Variants in GRIK4 observed in about 807,000 individuals in gnomAD.
GRIK4 encodes glutamate ionotropic receptor kainate type subunit 4, also known as glutamate receptor ionotropic, kainate 4.
GRIK4 carries 40 observed loss-of-function variants against 104.9 expected under a neutral mutation model. That is an observed-to-expected ratio of 0.38 (90% CI 0.30 to 0.50). The LOEUF (loss-of-function observed/expected upper bound fraction) is 0.50. Among genes scored for constraint, GRIK4 ranks in the 20% least tolerant of loss-of-function variants. The probability of loss-of-function intolerance (pLI) is 0.93; values close to 1 mark genes in which losing one functional copy is unlikely to be tolerated. For synonymous variants in GRIK4, 485 were observed against 524.9 expected (o/e 0.92, Z 1.04); for missense variants, 1,047 against 1,308.1 (o/e 0.80, Z 3.08).
At chr11:120,911,309 A>G (rs1426182668) in intron 13 of GRIK4, among the ~76,000 whole-genome samples, 1 of 145,026 alleles carries the variant, frequency 6.9e-6, no homozygotes, top group East Asian at 2.1e-4. Context: ...CGCGATCTCG[A>G]CTCACTGCAA....
At chr11:120,925,882 G>A (rs1350254003) in intron 13 of GRIK4, among the ~76,000 whole-genome samples, 3 of 152,044 alleles carry the variant, frequency 2.0e-5, no homozygotes, top group East Asian at 3.9e-4. Context: ...GCTGAGGCAG[G>A]GGATTTGCTT....
chr11:120,922,724 T>A (rs1943251051), intron 13 of GRIK4, among the ~76,000 whole-genome samples: 1 of 152,190 alleles, frequency 6.6e-6, no homozygotes, highest in Non-Finnish European at 1.5e-5. Flanking sequence ...AGGCCTGGCT[T>A]AGTTGTGCCG....
chr11:120,860,904 G>A (rs1447723696), intron 8 of GRIK4, among the ~76,000 whole-genome samples: 1 of 151,982 alleles, frequency 6.6e-6, no homozygotes, highest in African/African-American at 2.4e-5. Flanking sequence ...TGACTCTTAT[G>A]GTCTGGTCTC....
In GRIK4 at chr11:120,985,902, A is replaced by T; in HGVS notation, c.2515-2A>T. ...GGGCCCTGACCTCGCTGTCTCCTCC[A>T]GGTGTCCGTCTGCCAGGAGATGGTG... is the stretch of plus-strand genomic sequence containing the variant. On this transcript the variant is annotated splice_acceptor_variant, in intron 20 of 20. Coordinates refer to ENST00000527524, the MANE Select transcript of GRIK4 (RefSeq NM_014619.5). LOFTEE classifies it high-confidence loss of function. The T allele has an allele frequency of 6.4e-7, 1 of 1,551,814 alleles. No individual in the cohort carries two copies. The highest frequency in any genetic ancestry group is 8.7e-7 in the Non-Finnish European group (1 of 1,147,730).
chr11:120,700,264 C>CTTT (rs34617192), intron 3 of GRIK4, among the ~76,000 whole-genome samples: 16 of 118,234 alleles, frequency 1.4e-4, no homozygotes, highest in South Asian at 2.5e-4. Flanking sequence ...TATATTACTA[C>CTTT]TTTTTTTTTT....
At position 120,819,717 on chromosome 11, in the gene GRIK4, G is replaced by T; in HGVS notation, c.346-38G>T. On this transcript the variant is annotated intron_variant, in intron 5 of 20. Coordinates refer to ENST00000527524, the MANE Select transcript of GRIK4 (RefSeq NM_014619.5). The surrounding 1 kb of genome is among the most constrained non-coding windows in gnomAD (Gnocchi z 4.3). ...CCTCTTTCTTCCTTTTCACCCACCT[G>T]GATCCTCCCTGCTGTCCGTTTTTGC... 1.2e-6 allele frequency: 2 copies of T among 1,605,620 alleles called. No individual in the cohort carries two copies. The highest frequency in any genetic ancestry group is 8.5e-7 in the Non-Finnish European group (1 of 1,172,528).
At chr11:120,665,746 G>C (rs189696848) in intron 3 of GRIK4, among the ~76,000 whole-genome samples, 3 of 152,256 alleles carry the variant, frequency 2.0e-5, no homozygotes, top group African/African-American at 7.2e-5. Context: ...AAGTCTGCGC[G>C]TGTGTCTGCA....
chr11:120,960,997 T>G lies in GRIK4; in HGVS notation c.1963T>G (p.Ser655Ala). 1 of 1,613,970 alleles carries G rather than the reference T, an allele frequency of 6.2e-7. No individual in the cohort carries two copies. The highest frequency in any genetic ancestry group is 8.5e-7 in the Non-Finnish European group (1 of 1,179,908). The change falls in exon 17 of 21, where the codon TCA becomes GCA. Residue 655 changes from serine (S) to alanine (A), a missense_variant. Around this residue, in one of 3 missense-constraint regions of GRIK4, gnomAD observed 440 missense variants for 652.3 expected, o/e 0.67. Transcript: ENST00000527524. ...GCAGCGCATGGATGTGCCCATTGAG[T>G]CAGTGGATGACCTGGCTGACCAGAC... ...TVQRMDVPIE[S>A]VDDLADQTAI...
At chr11:120,823,289 G>A (rs1432002602) in intron 6 of GRIK4, among the ~76,000 whole-genome samples, 2 of 152,222 alleles carry the variant, frequency 1.3e-5, no homozygotes, top group Non-Finnish European at 2.9e-5. Context: ...TGGGAAACAG[G>A]TTGCTCAGAT....
chr11:120,824,649 A>G (rs1168236488), intron 6 of GRIK4, among the ~76,000 whole-genome samples: 4 of 143,476 alleles, frequency 2.8e-5, no homozygotes, highest in African/African-American at 1.0e-4. Flanking sequence ...TCTCGGGTTC[A>G]AGTGATTCTT....
intron 3 of GRIK4, among the ~76,000 whole-genome samples, chr11:120,747,565 C>T (rs1212026032): frequency 6.6e-6 from 1 of 152,144 alleles, no homozygotes; most frequent in South Asian, 2.1e-4. Context: ...AGACAGATAG[C>T]TAGGACTTTA....
In GRIK4 at chr11:120,654,395, G is replaced by A. The variant is rs184199805; in HGVS notation, c.-51+603G>A. Among the ~76,000 whole-genome samples the A allele has an allele frequency of 3.4e-3, 523 of 152,096 alleles. 4 individuals are homozygous for A. The highest frequency in any genetic ancestry group is 5.9e-3 in the Non-Finnish European group (401 of 67,998). ...TTATTATTAGTTGAGACAGTATCTCGCTCTGTTGCCCAGGGTGAAGTGCAG... is the reference window on the plus strand; with the variant it reads ...TTATTATTAGTTGAGACAGTATCTCACTCTGTTGCCCAGGGTGAAGTGCAG... On this transcript the variant is annotated intron_variant, in intron 2 of 20. Coordinates refer to ENST00000527524, the MANE Select transcript of GRIK4 (RefSeq NM_014619.5).
At chr11:120,725,433 TA>T (rs764331107) in intron 3 of GRIK4, among the ~76,000 whole-genome samples, 1 of 152,186 alleles carries the variant, frequency 6.6e-6, no homozygotes, top group Non-Finnish European at 1.5e-5. Flanking sequence ...AAGAAGGCTT[TA>T]ATTGGGTGCT....
intron 3 of GRIK4, among the ~76,000 whole-genome samples, chr11:120,765,672 T>C (rs1455703269): frequency 1.3e-5 from 2 of 152,310 alleles, no homozygotes; most frequent in Non-Finnish European, 1.5e-5. Flanking sequence ...TTGATGTTGA[T>C]GTTGTTGCTT....
At chr11:120,627,441 GTC>G (rs777465873) in intron 1 of GRIK4, among the ~76,000 whole-genome samples, 26 of 152,350 alleles carry the variant, frequency 1.7e-4, no homozygotes, top group Middle Eastern at 3.4e-3. Flanking sequence ...CCTCCCCAGA[GTC>G]TCTGCGTGCC....
At chr11:120,671,698 G>A (rs749986825) in intron 3 of GRIK4, among the ~76,000 whole-genome samples, 4 of 152,108 alleles carry the variant, frequency 2.6e-5, no homozygotes, top group Non-Finnish European at 5.9e-5. Flanking sequence ...TCTGATGATA[G>A]TTTTTTTGCT....
intron 14 of GRIK4, among the ~76,000 whole-genome samples, chr11:120,950,923 CA>C (rs1443029775): frequency 3.3e-5 from 5 of 152,150 alleles, no homozygotes; most frequent in South Asian, 2.1e-4. Flanking sequence ...TTTTGTCCCC[CA>C]GATTTTTCAT....
At chr11:120,760,554 G>A (rs1365775692) in intron 3 of GRIK4, among the ~76,000 whole-genome samples, 2 of 151,702 alleles carry the variant, frequency 1.3e-5, no homozygotes, top group African/African-American at 2.4e-5. Flanking sequence ...CCATCAACCC[G>A]TCATCTACAT....
intron 1 of GRIK4, among the ~76,000 whole-genome samples, chr11:120,531,998 T>A (rs1171965685): frequency 6.6e-6 from 1 of 152,142 alleles, no homozygotes; most frequent in Non-Finnish European, 1.5e-5. Flanking sequence ...TACTCCCAAA[T>A]GGAGACCCTC....
Sources: allele counts gnomAD v4.1 joint callset (sites outside exome capture counted in the v4.1 genomes callset), GRCh38; gene constraint gnomAD v4.1.1; regional missense constraint gnomAD v4.1.1; non-coding constraint Gnocchi (gnomAD v3.1); transcripts MANE v1.5; gene names NCBI Gene and HGNC (gene_info 2026-07-23, HGNC 2026-07-21).